ZBTB40: variants seen among roughly 807,000 people sequenced by gnomAD.
The protein encoded by ZBTB40 is zinc finger and BTB domain containing 40.
ZBTB40 carries 60 observed loss-of-function variants against 117.5 expected under a neutral mutation model. The ratio of observed to expected loss-of-function variants is 0.51; its 90% CI spans 0.41 to 0.63. ZBTB40 has a LOEUF of 0.63. ZBTB40 is among the 30% of genes least tolerant of loss of function. The pLI is 0.00. For synonymous variants in ZBTB40, 525 were observed against 577.1 expected, an observed-to-expected ratio of 0.91 and a Z score of 1.29; for missense variants, 1,287 against 1,498.5, an observed-to-expected ratio of 0.86 and a Z score of 2.33.
At chr1:22,507,150 GCACC>G (rs1639094795) in intron 6 of ZBTB40, among the ~76,000 whole-genome samples, 1 of 152,140 alleles carries the variant, frequency 6.6e-6, no homozygotes, top group Non-Finnish European at 1.5e-5. Context: ...ACCTGGGGCC[GCACC>G]CTCACTGCAC....
chr1:22,519,725 A>C, intron 13 of ZBTB40: 2 of 367,658 alleles, frequency 5.4e-6, no homozygotes, highest in South Asian at 4.5e-5. Context: ...TGCCCACTGC[A>C]AACCGGACGA....
chr1:22,494,648 C>T (rs1638725943), intron 3 of ZBTB40, among the ~76,000 whole-genome samples: 2 of 152,200 alleles, frequency 1.3e-5, no homozygotes, highest in Non-Finnish European at 2.9e-5. Context: ...TGTGCTGGCA[C>T]CTTTCAGTGG....
At chr1:22,454,413 T>C (rs1640958478) in intron 1 of ZBTB40, among the ~76,000 whole-genome samples, 1 of 152,008 alleles carries the variant, frequency 6.6e-6, no homozygotes, top group Non-Finnish European at 1.5e-5. Flanking sequence ...TGGCAACTGC[T>C]CTAAAGGAAA....
chr1:22,433,434 A>AAAAACAAAAACAAAAACAAAC (rs1357818251), intron 1 of ZBTB40, among the ~76,000 whole-genome samples: 1 of 115,190 alleles, frequency 8.7e-6, no homozygotes, highest in Admixed American at 8.2e-5. Flanking sequence ...CGCCCTCTCA[A>AAAAACAAAAACAAAAACAAAC]AAAAAAAAAA....
In ZBTB40 at chr1:22,513,594, G is replaced by A. The variant is rs1354032662; in HGVS notation, c.2668+464G>A. ...CGGGCACCTGGAGTCTCAGCTACTC[G>A]GGAGGCTGAGGCAGGAGAATGGTGT... On this transcript the variant is annotated intron_variant, in intron 12 of 17. Transcript: ENST00000375647. This position sits in a 1 kb window ranked among gnomAD's most constrained non-coding sequence, Gnocchi z 4.9. Among the ~76,000 whole-genome samples the A allele has an allele frequency of 3.3e-5, 5 of 152,116 alleles. No individual in the cohort carries two copies. The highest frequency in any genetic ancestry group is 2.1e-4 in the South Asian group (1 of 4,824).
chr1:22,491,175 G>T (rs1319229524), intron 2 of ZBTB40, among the ~76,000 whole-genome samples: 1 of 152,178 alleles, frequency 6.6e-6, no homozygotes, highest in South Asian at 2.1e-4. Context: ...GATTACAGGC[G>T]TGAGCCACCG....
chr1:22,431,159 A>G (rs1640575114), intron 1 of ZBTB40, among the ~76,000 whole-genome samples: 1 of 147,498 alleles, frequency 6.8e-6, no homozygotes, highest in African/African-American at 2.5e-5. Flanking sequence ...TTGTAAAGAC[A>G]GTAAAGTCTT....
chr1:22,452,567 A>C (rs1569759215), intron 1 of ZBTB40: 1 of 152,244 alleles, frequency 6.6e-6, no homozygotes, highest in South Asian at 2.1e-4. Flanking sequence ...CTTTCCTGCC[A>C]AGAGGGCAGA....
intron 1 of ZBTB40, among the ~76,000 whole-genome samples, chr1:22,441,890 A>T (rs1200652593): frequency 5.9e-5 from 9 of 152,108 alleles, no homozygotes; most frequent in Admixed American, 5.9e-4. Flanking sequence ...TTGTTTTTTA[A>T]TGTAAGCATT....
At chr1:22,477,135 A>G (rs1386961623) in intron 1 of ZBTB40, among the ~76,000 whole-genome samples, 1 of 152,174 alleles carries the variant, frequency 6.6e-6, no homozygotes. Flanking sequence ...CCTCATGATT[A>G]TATATATTTA....
chr1:22,474,912 T>C (rs917473039), intron 1 of ZBTB40, among the ~76,000 whole-genome samples: 1 of 147,930 alleles, frequency 6.8e-6, no homozygotes, highest in Admixed American at 6.8e-5. Flanking sequence ...CAAGATTTTA[T>C]TCAGAAGATA....
chr1:22,508,023 T>C lies in ZBTB40; in HGVS notation c.1383T>C (p.Tyr461=). 2 of 1,614,190 alleles carry C rather than the reference T, an allele frequency of 1.2e-6. No individual in the cohort carries two copies. The highest frequency in any genetic ancestry group is 4.5e-5 in the East Asian group (2 of 44,880). The change falls in exon 7 of 18, where the codon TAT becomes TAC. Residue 461 remains tyrosine, a synonymous_variant. Transcript: ENST00000375647. ...CAGTCCAACCAAGCCCTGATGATTA[T>C]GGGACTGAGCTATTGAGACGCTATC... is the stretch of plus-strand genomic sequence containing the variant. ...STTVQPSPDD[Y]GTELLRRYHE...
Position 22,509,149 on chromosome 1 carries a change from G to C in ZBTB40, c.1749G>C (p.Gln583His), listed in dbSNP as rs142101575. 6.4e-5 allele frequency: 103 copies of C among 1,614,086 alleles called. No homozygotes were observed. In the African/African-American group the frequency reaches 1.3e-3, roughly 20 times the overall value. Residue 583 changes from glutamine to histidine, a missense_variant, in exon 9 of 18, where the codon CAG becomes CAC. Physicochemically the swap from Gln to His is conservative, Grantham distance 24. Coordinates refer to ENST00000375647, the MANE Select transcript of ZBTB40 (RefSeq NM_014870.4). Reference sequence around the variant, plus strand: ...TAGAAACAATCCTGAGGCATAACCAGTTGATCTTGGAGGCCATCCAACAGA... The same window carrying C: ...TAGAAACAATCCTGAGGCATAACCACTTGATCTTGGAGGCCATCCAACAGA... ...ATLETILRHNQLILEAIQQKI... is the reference protein window; with the variant it reads ...ATLETILRHNHLILEAIQQKI...
intron 1 of ZBTB40, among the ~76,000 whole-genome samples, chr1:22,463,073 T>G (rs560103162): frequency 6.6e-6 from 1 of 152,328 alleles, no homozygotes; most frequent in African/African-American, 2.4e-5. Context: ...AGCTCATTCA[T>G]ACAACTACCT....
At chr1:22,497,514 A>T (rs978120217) in intron 3 of ZBTB40, among the ~76,000 whole-genome samples, 23 of 152,248 alleles carry the variant, frequency 1.5e-4, no homozygotes, top group African/African-American at 5.3e-4. Flanking sequence ...GATTAAGCCT[A>T]AGATATGCAG....
intron 1 of ZBTB40, among the ~76,000 whole-genome samples, chr1:22,443,155 C>T (rs1640752457): frequency 6.6e-6 from 1 of 152,196 alleles, no homozygotes; most frequent in Admixed American, 6.5e-5. Context: ...TAAACAGAAT[C>T]TAACCTGCTG....
chr1:22,526,643 G>A lies in ZBTB40; in HGVS notation c.*247G>A. The A allele has an allele frequency of 1.9e-6, 1 of 519,092 alleles. No homozygotes were observed. The highest frequency in any genetic ancestry group is 3.5e-6 in the Non-Finnish European group (1 of 284,410). 32.2% of individuals were successfully genotyped at this position (519,092 alleles called of 1,614,324 possible). ...AGGCCTCCCTCCCCACAGGCCCGCTGCTGCGGCCTCTATGACACTGTCCAT... is the reference window on the plus strand; with the variant it reads ...AGGCCTCCCTCCCCACAGGCCCGCTACTGCGGCCTCTATGACACTGTCCAT... On this transcript the variant is annotated 3_prime_UTR_variant, in exon 18 of 18. Coordinates refer to ENST00000375647, the MANE Select transcript of ZBTB40 (RefSeq NM_014870.4).
Position 22,501,596 on chromosome 1 carries a change from G to T in ZBTB40, c.936G>T (p.Leu312=). 6.2e-7 allele frequency: 1 copy of T among 1,614,142 alleles called. No individual in the cohort carries two copies. Among genetic ancestry groups the T allele is most frequent in the Non-Finnish European group, 8.5e-7 (1 of 1,180,014 alleles). Residue 312 remains leucine (L), a synonymous_variant, in exon 4 of 18, where the codon CTG becomes CTT. Transcript: ENST00000375647. ...TGGATGTTCAAACTGTTGTGTCCCT[G>T]TTGAGGCTGTACCAATATTCTAATC... is the stretch of plus-strand genomic sequence containing the variant. ...ESLDVQTVVS[L]LRLYQYSNPA... is the part of the protein sequence containing the mutation.
At chr1:22,497,122 G>A (rs1231029371) in intron 3 of ZBTB40, among the ~76,000 whole-genome samples, 1 of 152,200 alleles carries the variant, frequency 6.6e-6, no homozygotes, top group Non-Finnish European at 1.5e-5. Context: ...TCCTAGCCAT[G>A]TCTCTGCTTT....
Sources: gnomAD v4.1 joint callset for allele counts (sites outside exome capture counted in the v4.1 genomes callset) on GRCh38, gnomAD v4.1.1 for gene constraint, Gnocchi (gnomAD v3.1) non-coding constraint, MANE v1.5 for transcripts, NCBI Gene and HGNC (gene_info 2026-07-23, HGNC 2026-07-21) for gene names.